SOX6: variants seen among roughly 807,000 people sequenced by gnomAD.
SOX6 encodes SRY-box transcription factor 6.
SOX6 carries 11 observed loss-of-function variants against 97.8 expected under a neutral mutation model. The ratio of observed to expected loss-of-function variants is 0.11; its 90% CI spans 0.07 to 0.19. The LOEUF is 0.19. SOX6 is among the 10% of genes least tolerant of loss of function. SOX6 has a pLI of 1.00. For missense variants in SOX6, 810 were observed against 1,039.5 expected, an observed-to-expected ratio of 0.78 and a Z score of 3.04; for synonymous variants, 360 against 371.4, an observed-to-expected ratio of 0.97 and a Z score of 0.35.
At chr11:16,357,660 C>T (rs1337535916), upstream of SOX6, among the ~76,000 whole-genome samples, 1 of 152,152 alleles carries the variant, frequency 6.6e-6, no homozygotes, top group African/African-American at 2.4e-5. Flanking sequence ...TTGCTACACC[C>T]AGCTAAAGTG....
At chr11:16,083,971 T>C (rs949512454) in intron 9 of SOX6, among the ~76,000 whole-genome samples, 1 of 152,162 alleles carries the variant, frequency 6.6e-6, no homozygotes. Flanking sequence ...TACAATCTCA[T>C]TGCCTATTTG....
chr11:15,999,098 G>A (rs1049285854), intron 13 of SOX6, among the ~76,000 whole-genome samples: 14 of 151,928 alleles, frequency 9.2e-5, no homozygotes, highest in African/African-American at 3.4e-4. Context: ...AGACTTAAAT[G>A]AACATTTTAC....
At chr11:16,594,750 G>C (rs567794287) in intron 4 of SOX6, among the ~76,000 whole-genome samples, 3 of 133,026 alleles carry the variant, frequency 2.3e-5, no homozygotes, top group Non-Finnish European at 4.6e-5. Flanking sequence ...TAGTGCAGTG[G>C]CGTGATCTCG....
intron 9 of SOX6, among the ~76,000 whole-genome samples, chr11:16,068,031 C>T (rs954868800): frequency 2.0e-5 from 3 of 152,170 alleles, no homozygotes; most frequent in African/African-American, 7.2e-5. Flanking sequence ...TACCCTGTAA[C>T]AGATTCTCTT....
intron 4 of SOX6, among the ~76,000 whole-genome samples, chr11:16,495,863 C>G (rs1267194680): frequency 2.6e-5 from 4 of 152,176 alleles, no homozygotes; most frequent in African/African-American, 4.8e-5. Context: ...ACTGTAACCA[C>G]TGGGGAACAA....
At chr11:16,000,251 C>T (rs149445079) in intron 13 of SOX6, among the ~76,000 whole-genome samples, 2 of 152,196 alleles carry the variant, frequency 1.3e-5, no homozygotes, top group Non-Finnish European at 2.9e-5. Context: ...AGGCAAAATA[C>T]ATTCCATGGC....
At chr11:16,121,989 A>G (rs528826098) in intron 6 of SOX6, among the ~76,000 whole-genome samples, 247 of 152,104 alleles carry the variant, frequency 1.6e-3, no homozygotes, top group African/African-American at 5.7e-3. Flanking sequence ...AGGAAAATTC[A>G]TGTGTGTTTA....
At chr11:16,420,579 G>C (rs1181284601) in intron 1 of SOX6, among the ~76,000 whole-genome samples, 1 of 152,120 alleles carries the variant, frequency 6.6e-6, no homozygotes, top group Non-Finnish European at 1.5e-5. Flanking sequence ...CTACTAGAGA[G>C]AGATAAAAAG....
chr11:16,047,945 C>A (rs1564925339), intron 11 of SOX6, among the ~76,000 whole-genome samples: 2 of 152,056 alleles, frequency 1.3e-5, no homozygotes, highest in Admixed American at 6.6e-5. Flanking sequence ...AAGGACATCT[C>A]TATCCAATAT....
chr11:16,027,094 T>C lies in SOX6; in HGVS notation c.1624-12044A>G, dbSNP rs550727343. ...TAACATAGAATTAACTGGTGTCACA[T>C]TGCACACCAGACTAAATAAGATACA... is the stretch of plus-strand genomic sequence containing the variant. On this transcript the variant is annotated intron_variant, in intron 12 of 15. Coordinates refer to ENST00000683767, the MANE Select transcript of SOX6 (RefSeq NM_001367873.1). Among the ~76,000 whole-genome samples the C allele has an allele frequency of 1.4e-3, 216 of 152,290 alleles. 1 individual carries two copies. Among genetic ancestry groups the C allele is most frequent in the African/African-American group, 4.8e-3 (198 of 41,570 alleles).
At chr11:16,177,785 T>C (rs7108091) in intron 6 of SOX6, among the ~76,000 whole-genome samples, 89,010 of 151,630 alleles carry the variant, frequency 0.59, 27,140 homozygotes, top group East Asian at 0.75. Context: ...TTCAGTATTA[T>C]GTAATGTCAC....
intron 3 of SOX6, among the ~76,000 whole-genome samples, chr11:16,702,817 C>T (rs1168268550): frequency 6.6e-6 from 1 of 151,606 alleles, no homozygotes; most frequent in Non-Finnish European, 1.5e-5. Context: ...ATTTTATGAA[C>T]AAGGAAAGAA....
intron 14 of SOX6, among the ~76,000 whole-genome samples, chr11:15,988,011 T>G (rs544702096): frequency 2.0e-5 from 3 of 152,370 alleles, no homozygotes; most frequent in East Asian, 3.9e-4. Flanking sequence ...CATGTGTATC[T>G]GTGCATGTCC....
At chr11:16,180,838 A>C (rs960513279) in intron 6 of SOX6, among the ~76,000 whole-genome samples, 19 of 151,812 alleles carry the variant, frequency 1.3e-4, no homozygotes, top group African/African-American at 4.6e-4. Context: ...AAGACATATA[A>C]ATAAAATTGT....
chr11:16,495,474 C>A (rs754324710), intron 4 of SOX6, among the ~76,000 whole-genome samples: 7 of 152,138 alleles, frequency 4.6e-5, no homozygotes, highest in Non-Finnish European at 1.0e-4. Flanking sequence ...GCCCTATCCA[C>A]CACCACTGGC....
rs746598584 is a variant in SOX6, at chr11:16,049,762, G to C, written c.1428C>G (p.Ser476=). The C allele has an allele frequency of 6.2e-7, 1 of 1,613,284 alleles. No homozygotes were observed. Among genetic ancestry groups the C allele is most frequent in the African/African-American group, 1.3e-5 (1 of 74,788 alleles). The change falls in exon 11 of 16, where the codon TCC becomes TCG. Residue 476 remains serine (S), a synonymous_variant. Transcript: ENST00000683767. ...SPIGGSLGRG[S]SLDILSSLNS... is the part of the protein sequence containing the mutation. ...GTTGACTTTTCCATTTACCTAAAGAGGATCCTCTTCCCAGGCTTCCTCCAA... is the reference window on the plus strand; with the variant it reads ...GTTGACTTTTCCATTTACCTAAAGACGATCCTCTTCCCAGGCTTCCTCCAA...
intron 4 of SOX6, among the ~76,000 whole-genome samples, chr11:16,596,530 C>T (rs1848214579): frequency 6.6e-6 from 1 of 152,176 alleles, no homozygotes; most frequent in Admixed American, 6.5e-5. Context: ...TACCTAAAGC[C>T]AGTTCCTCAT....
At chr11:16,214,467 C>G (rs931704605) in intron 4 of SOX6, among the ~76,000 whole-genome samples, 1 of 152,188 alleles carries the variant, frequency 6.6e-6, no homozygotes, top group African/African-American at 2.4e-5. Flanking sequence ...ATCTAATGCA[C>G]AGGTGCTTGG....
chr11:15,973,179 T>G (rs1375169353), intron 15 of SOX6, 67 bp from the exon 16 acceptor site: 1 of 1,478,962 alleles, frequency 6.8e-7, no homozygotes, highest in African/African-American at 1.4e-5. Context: ...TGTACAGCAT[T>G]GGAATTCACA....
Sources: allele counts gnomAD v4.1 joint callset (sites outside exome capture counted in the v4.1 genomes callset), GRCh38; gene constraint gnomAD v4.1.1; transcripts MANE v1.5; gene names NCBI Gene and HGNC (gene_info 2026-07-23, HGNC 2026-07-21).